SPECC1L: variants seen among roughly 807,000 people sequenced by gnomAD.
The protein encoded by SPECC1L is sperm antigen with calponin homology and coiled-coil domains 1 like, also known as cytospin-A.
Under a neutral mutation model 116.8 loss-of-function variants are expected in SPECC1L, and 40 were observed. That is an observed-to-expected ratio of 0.34 (90% CI 0.27 to 0.45). SPECC1L has a LOEUF of 0.45. SPECC1L is among the 20% of genes least tolerant of loss of function. The pLI, the probability that SPECC1L is intolerant of heterozygous loss-of-function variation, is 1.00. For synonymous variants in SPECC1L, 504 were observed against 500.6 expected (o/e 1.01, Z -0.09); for missense variants, 1,110 against 1,373.6 (o/e 0.81, Z 3.03).
At chr22:24,404,377 G>A (rs943290315) in intron 14 of SPECC1L, among the ~76,000 whole-genome samples, 1 of 152,108 alleles carries the variant, frequency 6.6e-6, no homozygotes, top group Non-Finnish European at 1.5e-5. Flanking sequence ...GTATCTCCAA[G>A]GTATCTTGAA....
chr22:24,303,855 G>GTT (rs2049435141), intron 3 of SPECC1L, among the ~76,000 whole-genome samples: 1 of 130,326 alleles, frequency 7.7e-6, no homozygotes, highest in East Asian at 2.2e-4. Flanking sequence ...GTGTGTGTGT[G>GTT]TGTGTGTGTG....
chr22:24,355,682 A>T (rs75519101), intron 11 of SPECC1L, among the ~76,000 whole-genome samples: 3,303 of 152,154 alleles, frequency 0.022, 104 homozygotes, highest in African/African-American at 0.074. Flanking sequence ...CAACCTTACT[A>T]TACATATACA....
intron 16 of SPECC1L, among the ~76,000 whole-genome samples, chr22:24,413,068 G>A (rs567743494): frequency 2.0e-5 from 3 of 152,154 alleles, no homozygotes; most frequent in Non-Finnish European, 4.4e-5. Context: ...TATAAATCTC[G>A]CTGTCAAAAA....
chr22:24,311,320 C>T (rs2040456298), intron 3 of SPECC1L, among the ~76,000 whole-genome samples: 1 of 151,996 alleles, frequency 6.6e-6, no homozygotes, highest in Admixed American at 6.6e-5. Context: ...AAGATTAGTT[C>T]AAAGATAATT....
chr22:24,276,388 A>C (rs188719757), intron 1 of SPECC1L, among the ~76,000 whole-genome samples: 3 of 152,166 alleles, frequency 2.0e-5, no homozygotes, highest in Admixed American at 2.0e-4. Flanking sequence ...GCTAGGGATC[A>C]CACCACTGTT....
chr22:24,403,145 G>A (rs1356810965), intron 14 of SPECC1L, among the ~76,000 whole-genome samples: 2 of 152,174 alleles, frequency 1.3e-5, no homozygotes, highest in African/African-American at 2.4e-5. Flanking sequence ...GACATTTCCT[G>A]GATGAAGGAT....
intron 11 of SPECC1L, among the ~76,000 whole-genome samples, chr22:24,350,262 A>G (rs943315862): frequency 6.6e-6 from 1 of 152,004 alleles, no homozygotes; most frequent in Non-Finnish European, 1.5e-5. Context: ...GTCCCATTCT[A>G]ACATCCCATA....
intron 3 of SPECC1L, among the ~76,000 whole-genome samples, chr22:24,311,533 G>A (rs1166031341): frequency 6.6e-6 from 1 of 152,084 alleles, no homozygotes; most frequent in Admixed American, 6.5e-5. Context: ...GACCAGGCAT[G>A]GTAGCTCACA....
chr22:24,274,137 G>A lies in SPECC1L; in HGVS notation c.-141-2563G>A, dbSNP rs554022979. Among the ~76,000 whole-genome samples the A allele has an allele frequency of 2.0e-5, 3 of 152,334 alleles. No homozygotes were observed. In the East Asian group the frequency reaches 5.8e-4, roughly 29 times the overall value. On this transcript the variant is annotated intron_variant, in intron 1 of 16. Transcript: ENST00000314328. ...TCTGGTGGTTGGAATTGTTAGTACT[G>A]AATAGACTAGATGCGAGGTAAAGAA...
intron 14 of SPECC1L, among the ~76,000 whole-genome samples, chr22:24,399,431 G>A (rs951774196): frequency 3.3e-5 from 5 of 152,090 alleles, no homozygotes; most frequent in East Asian, 3.9e-4. Flanking sequence ...TTAGCTGGGC[G>A]TGGTGGCGGG....
chr22:24,396,745 C>T (rs2146759650), intron 14 of SPECC1L, among the ~76,000 whole-genome samples: 1 of 152,322 alleles, frequency 6.6e-6, no homozygotes, highest in Middle Eastern at 3.4e-3. Context: ...AGTTGCGTTT[C>T]ACGTGGCCTC....
At chr22:24,293,811 G>A (rs2049204737) in intron 2 of SPECC1L, among the ~76,000 whole-genome samples, 1 of 122,492 alleles carries the variant, frequency 8.2e-6, no homozygotes, top group Non-Finnish European at 1.7e-5. Flanking sequence ...AATCGCCATG[G>A]TGGTCTTCAG....
At chr22:24,302,719 AC>A (rs2049405830) in intron 3 of SPECC1L, among the ~76,000 whole-genome samples, 1 of 152,126 alleles carries the variant, frequency 6.6e-6, no homozygotes, top group South Asian at 2.1e-4. Flanking sequence ...TAATGAAAAT[AC>A]CCAGGGAGAA....
chr22:24,314,277 C>T (rs2040517813), intron 4 of SPECC1L, among the ~76,000 whole-genome samples: 1 of 152,146 alleles, frequency 6.6e-6, no homozygotes, highest in Non-Finnish European at 1.5e-5. Context: ...TCTTGATCTC[C>T]TGACCTCGTG....
intron 14 of SPECC1L, among the ~76,000 whole-genome samples, chr22:24,374,507 C>T (rs181077080): frequency 6.6e-6 from 1 of 150,850 alleles, no homozygotes; most frequent in African/African-American, 2.4e-5. Context: ...TCATTCTCAG[C>T]AAACTATCGC....
chr22:24,306,826 C>T (rs1011785389), intron 3 of SPECC1L, among the ~76,000 whole-genome samples: 1 of 152,176 alleles, frequency 6.6e-6, no homozygotes, highest in African/African-American at 2.4e-5. Flanking sequence ...TTCTCTCCAG[C>T]GCCTGACAAC....
At chr22:24,343,874 TG>T (rs2041232920) in intron 10 of SPECC1L, among the ~76,000 whole-genome samples, 2 of 152,198 alleles carry the variant, frequency 1.3e-5, no homozygotes, top group South Asian at 4.1e-4. Flanking sequence ...CACAGACAGT[TG>T]GGGGAAAGTG....
intron 14 of SPECC1L, among the ~76,000 whole-genome samples, chr22:24,371,470 TAAA>T (rs1367269522): frequency 6.6e-6 from 1 of 151,974 alleles, no homozygotes; most frequent in Admixed American, 6.6e-5. Flanking sequence ...ATGAAATAAA[TAAA>T]AAGATGGAAA....
chr22:24,320,857 C>T (rs986447301), intron 4 of SPECC1L, among the ~76,000 whole-genome samples: 89 of 152,120 alleles, frequency 5.9e-4, no homozygotes, highest in African/African-American at 2.1e-3. Flanking sequence ...CACCTATGAT[C>T]TCCCTTCACT....
Sources: gnomAD v4.1 joint callset for allele counts (sites outside exome capture counted in the v4.1 genomes callset) on GRCh38, gnomAD v4.1.1 for gene constraint, MANE v1.5 for transcripts, NCBI Gene and HGNC (gene_info 2026-07-23, HGNC 2026-07-21) for gene names.